Variants in CEP85L observed in about 807,000 individuals in gnomAD.
CEP85L encodes centrosomal protein 85L, also known as centrosomal protein of 85 kDa-like.
Under a neutral mutation model 100.3 loss-of-function variants are expected in CEP85L, and 60 were observed. That is an observed-to-expected ratio of 0.60 (90% CI 0.49 to 0.74). The LOEUF (loss-of-function observed/expected upper bound fraction) is 0.74, where lower values mean the gene tolerates loss of function less well. Among genes scored for constraint, CEP85L ranks in the 30% least tolerant of loss-of-function variants. The pLI is 0.00. For synonymous variants in CEP85L, 319 were observed against 322.7 expected, an observed-to-expected ratio of 0.99 and a Z score of 0.12; for missense variants, 973 against 936.2, an observed-to-expected ratio of 1.04 and a Z score of -0.51.
chr6:118,695,825 T>G (rs1777188845), intron 1 of CEP85L, among the ~76,000 whole-genome samples: 1 of 152,242 alleles, frequency 6.6e-6, no homozygotes, highest in South Asian at 2.1e-4. Flanking sequence ...ATTTGTCATC[T>G]GAACTGGGGT....
intron 10 of CEP85L, among the ~76,000 whole-genome samples, chr6:118,474,362 C>T (rs1773190075): frequency 1.3e-5 from 2 of 152,172 alleles, no homozygotes; most frequent in Non-Finnish European, 2.9e-5. Flanking sequence ...TAACACACGG[C>T]TCCCTCTCCT....
intron 6 of CEP85L, among the ~76,000 whole-genome samples, chr6:118,485,401 A>ATG (rs1774107366): frequency 6.6e-6 from 1 of 151,548 alleles, no homozygotes; most frequent in Non-Finnish European, 1.5e-5. Context: ...ATGTATAACA[A>ATG]TTTTTAAAAC....
intron 3 of CEP85L, among the ~76,000 whole-genome samples, chr6:118,530,802 A>G (rs11756983): frequency 0.7 from 106,180 of 150,678 alleles, 38,111 homozygotes; most frequent in African/African-American, 0.75. Context: ...TAACTAGGGA[A>G]GTAAAAGAGC....
chr6:118,498,298 A>G (rs1775051214), intron 5 of CEP85L, among the ~76,000 whole-genome samples: 1 of 152,202 alleles, frequency 6.6e-6, no homozygotes, highest in South Asian at 2.1e-4. Context: ...GTTCGAGACC[A>G]GCCTAGGCAA....
chr6:118,570,285 T>G lies in CEP85L; in HGVS notation c.233-3969A>C, dbSNP rs1346054635. ...TATGGTCAAACTTCTGCAAAGGTAT[T>G]TTGTTGTTCTGTGACCTCAAAAGAG... is the stretch of plus-strand genomic sequence containing the variant. On this transcript the variant is annotated intron_variant, in intron 2 of 12. Coordinates refer to ENST00000368491, the MANE Select transcript of CEP85L (RefSeq NM_001042475.3). Among the ~76,000 whole-genome samples the G allele has an allele frequency of 8.5e-5, 13 of 152,316 alleles. No individual in the cohort carries two copies. The South Asian group carries it at 2.7e-3, about 32-fold the overall frequency.
Position 118,565,602 on chromosome 6 carries a change from T to G in CEP85L, c.947A>C (p.Asp316Ala), listed in dbSNP as rs1302730454. ...TNPLEGRNTE[D>A]SYSLAPWQQQ... ...TTGCCAAGGAGCTAAACTGTAAGAA[T>G]CCTCTGTATTTCTACCTTCCAAAGG... Residue 316 changes from aspartate to alanine, a missense_variant, in exon 3 of 13, where the codon GAT (aspartate) becomes GCT (alanine). Asp to Ala is a moderately radical substitution (Grantham distance 126, BLOSUM62 -2). Around this residue, in one of 3 missense-constraint regions of CEP85L, gnomAD observed 890 missense variants for 844.5 expected, o/e 1.05. Transcript: ENST00000368491. The G allele has an allele frequency of 6.2e-7, 1 of 1,614,244 alleles. No individual in the cohort carries two copies. Among genetic ancestry groups the G allele is most frequent in the East Asian group, 2.2e-5 (1 of 44,886 alleles).
At chr6:118,643,767 A>G (rs759195743) in intron 1 of CEP85L, among the ~76,000 whole-genome samples, 2 of 152,236 alleles carry the variant, frequency 1.3e-5, no homozygotes, top group Admixed American at 6.5e-5. Flanking sequence ...ATGAAATAAA[A>G]CTAGATACAG....
At chr6:118,682,650 T>G (rs1258186047) in intron 1 of CEP85L, among the ~76,000 whole-genome samples, 2 of 152,104 alleles carry the variant, frequency 1.3e-5, no homozygotes, top group Non-Finnish European at 2.9e-5. Context: ...TCACATTTTC[T>G]TGGTTTATGC....
intron 3 of CEP85L, among the ~76,000 whole-genome samples, chr6:118,556,212 G>C (rs973539944): frequency 6.6e-6 from 1 of 152,154 alleles, no homozygotes; most frequent in African/African-American, 2.4e-5. Context: ...TTTATAAGCT[G>C]CTATTTTCTA....
In CEP85L at chr6:118,651,492, C is replaced by A. The variant is rs1775558793; in HGVS notation, c.-223G>T. On this transcript the variant is annotated 5_prime_UTR_variant, in exon 1 of 13. Coordinates refer to ENST00000368491, the MANE Select transcript of CEP85L (RefSeq NM_001042475.3). ...CATGGCCAAGCCGGCTGGGCTGAGG[C>A]CCGCGCCGGGGAAGCGGCGACTCGG... The A allele has an allele frequency of 1.6e-6, 2 of 1,275,914 alleles. No individual in the cohort carries two copies. The highest frequency in any genetic ancestry group is 6.4e-5 in the East Asian group (2 of 31,210). 79.0% of individuals were successfully genotyped at this position (1,275,914 alleles called of 1,614,324 possible).
chr6:118,652,534 C>G (rs1447117138), upstream of CEP85L: 14 of 1,401,556 alleles, frequency 1.0e-5, no homozygotes, highest in Non-Finnish European at 1.2e-5. Flanking sequence ...AGTCGGAACG[C>G]AGGTCGCTTA....
intron 1 of CEP85L, among the ~76,000 whole-genome samples, chr6:118,676,935 C>T (rs1213330777): frequency 1.3e-5 from 2 of 152,058 alleles, no homozygotes; most frequent in Non-Finnish European, 2.9e-5. Context: ...ATTTTCCTAA[C>T]GATTAGAGAT....
At chr6:118,648,169 G>A (rs941747822) in intron 1 of CEP85L, among the ~76,000 whole-genome samples, 1 of 152,148 alleles carries the variant, frequency 6.6e-6, no homozygotes, top group East Asian at 1.9e-4. Context: ...CACGAGAACC[G>A]CTTGGAACCG....
At chr6:118,537,633 T>C (rs1425008821) in intron 3 of CEP85L, 2 of 985,252 alleles carry the variant, frequency 2.0e-6, no homozygotes, top group East Asian at 1.1e-4. Context: ...CTATGAAAAG[T>C]TGCCAAAATA....
In CEP85L at chr6:118,611,893, A is replaced by T. The variant is rs566317747; in HGVS notation, c.232+20560T>A. On this transcript the variant is annotated intron_variant, in intron 2 of 12. Transcript: ENST00000368491. Reference sequence around the variant, plus strand: ...TAAAAAAATACACAAATCTATAATTATATTTGTAGACTTTCAAACACTCCT... The same window carrying T: ...TAAAAAAATACACAAATCTATAATTTTATTTGTAGACTTTCAAACACTCCT... Among the ~76,000 whole-genome samples, 61 of 129,996 alleles carry T rather than the reference A, an allele frequency of 4.7e-4. No individual in the cohort carries two copies. The East Asian group carries it at 0.011, about 24-fold the overall frequency. The allele number at this position is 129,996 out of a possible 152,430, so 85.3% of individuals were successfully genotyped here. A position where few individuals can be genotyped will look rare whatever the true frequency, so the allele number is the denominator to read the frequency against.
chr6:118,496,916 G>C (rs1774965053), intron 5 of CEP85L, among the ~76,000 whole-genome samples: 1 of 152,160 alleles, frequency 6.6e-6, no homozygotes, highest in Non-Finnish European at 1.5e-5. Flanking sequence ...TATTATGAGG[G>C]CAATGCATAA....
rs1291066555 is a variant in CEP85L at position 118,464,188 on chromosome 6, C to T, written c.*1217G>A. 6.6e-6 allele frequency: 1 copy of T among 152,144 alleles called. No homozygotes were observed. Among genetic ancestry groups the T allele is most frequent in the East Asian group, 1.9e-4 (1 of 5,196 alleles). The allele number at this position is 152,144 out of a possible 1,614,324, so 9.4% of individuals were successfully genotyped here. On this transcript the variant is annotated 3_prime_UTR_variant, in exon 13 of 13. Coordinates refer to ENST00000368491, the MANE Select transcript of CEP85L (RefSeq NM_001042475.3). The stretch of plus-strand genomic sequence containing the variant: ...GAAGGCAATAAAATGTATAATCCTT[C>T]CAAAATACCAACAGAAACATGGACA...
upstream of CEP85L, among the ~76,000 whole-genome samples, chr6:118,655,801 C>G (rs1307358357): frequency 6.6e-6 from 1 of 152,150 alleles, no homozygotes; most frequent in Non-Finnish European, 1.5e-5. Flanking sequence ...TGAGTATATA[C>G]TTCCAATGAT....
intron 4 of CEP85L, among the ~76,000 whole-genome samples, chr6:118,513,041 GACAA>G (rs771036211): frequency 7.2e-5 from 11 of 152,156 alleles, no homozygotes; most frequent in East Asian, 1.9e-4. Flanking sequence ...AGACATACAT[GACAA>G]ACAACACACT....
Sources: gnomAD v4.1 joint callset for allele counts (sites outside exome capture counted in the v4.1 genomes callset) on GRCh38, gnomAD v4.1.1 for gene constraint, gnomAD v4.1.1 regional missense constraint, MANE v1.5 for transcripts, NCBI Gene and HGNC (gene_info 2026-07-23, HGNC 2026-07-21) for gene names.